The following CENPN variants were observed in gnomAD, a reference collection of about 807,000 sequenced individuals.
The protein encoded by CENPN is interphase centromere complex protein 32.
A neutral mutation model predicts 48.6 loss-of-function variants in CENPN; 36 were observed. The ratio of observed to expected loss-of-function variants is 0.74; its 90% CI spans 0.57 to 0.98. CENPN has a LOEUF of 0.98. CENPN is among the 50% of genes least tolerant of loss of function. The probability of loss-of-function intolerance (pLI) is 0.00; values close to 1 mark genes in which losing one functional copy is unlikely to be tolerated. For missense variants in CENPN, 439 were observed against 399.2 expected (o/e 1.10, Z -0.85); for synonymous variants, 166 against 135.2 (o/e 1.23, Z -1.58).
chr16:81,009,623 A>T (rs1237197828), intron 1 of CENPN, among the ~76,000 whole-genome samples: 1 of 152,170 alleles, frequency 6.6e-6, no homozygotes, highest in Non-Finnish European at 1.5e-5. Context: ...CTTCCTCTTT[A>T]TCTTTGTCTT....
intron 3 of CENPN, chr16:81,014,430 G>A (rs556202603): frequency 2.2e-6 from 1 of 444,854 alleles, no homozygotes; most frequent in East Asian, 3.9e-5. Flanking sequence ...ACAAGGTTTT[G>A]CCGTGTTGCC....
At chr16:81,017,236 T>A in intron 3 of CENPN, 90 bp from the exon 4 acceptor site, 2 of 841,132 alleles carry the variant, frequency 2.4e-6, no homozygotes, top group Middle Eastern at 2.5e-4. Context: ...ACTGTTACTT[T>A]CCCCAGTTTT....
downstream of CENPN, chr16:81,032,528 C>A (rs1051939915): frequency 6.5e-7 from 1 of 1,535,100 alleles, no homozygotes. Flanking sequence ...TCCTATTAAT[C>A]CGTCTTTTAT....
intron 10 of CENPN, 43 bp downstream of exon 10, chr16:81,028,340 A>G (rs1597111473): frequency 6.2e-7 from 1 of 1,605,672 alleles, no homozygotes; most frequent in Non-Finnish European, 8.5e-7. Flanking sequence ...AATTAACAAC[A>G]TGCCTCCATT....
At position 81,020,156 on chromosome 16, in the gene CENPN, G is replaced by A; in HGVS notation, c.411G>A (p.Trp137Ter). 1 of 1,613,642 alleles carries A rather than the reference G, an allele frequency of 6.2e-7. No homozygotes were observed. ...EENAVWIRIA[W>*]GTQYTKPNQY... The stretch of plus-strand genomic sequence containing the variant: ...ATGCAGTCTGGATTCGAATTGCCTG[G>A]GGAACACAGTACACAAAGCCAAACC... The change falls in exon 6 of 11, where the codon TGG (tryptophan) becomes TGA (stop). Residue 137 changes from tryptophan (W) to a stop codon, truncating the protein, a stop_gained. Transcript: ENST00000305850. LOFTEE classifies it high-confidence loss of function.
At chr16:81,032,190 T>C (rs572593013), downstream of CENPN, among the ~76,000 whole-genome samples, 80 of 152,320 alleles carry the variant, frequency 5.3e-4, no homozygotes, top group African/African-American at 1.9e-3. Flanking sequence ...TTGCCTTCTA[T>C]TCTGTCCTTC....
intron 5 of CENPN, 144 bp downstream of exon 5, chr16:81,017,978 C>G (rs1395185893): frequency 1.1e-5 from 6 of 571,384 alleles, no homozygotes; most frequent in Admixed American, 3.6e-5. Context: ...ATCAGAAACA[C>G]ACTGTAAATA....
chr16:81,010,851 C>T (rs1326603335), intron 1 of CENPN, among the ~76,000 whole-genome samples: 1 of 152,204 alleles, frequency 6.6e-6, no homozygotes, highest in Non-Finnish European at 1.5e-5. Context: ...TGAGTTCCCT[C>T]TTAAAAGTGT....
rs1300535382 is a variant in CENPN at position 81,015,053 on chromosome 16, C to T, written c.217+872C>T. ...ATATGAAGGTTAGGTGAATTATTTTCACCTCAAGGTGGATTTATCAGGCAT... is the reference window on the plus strand; with the variant it reads ...ATATGAAGGTTAGGTGAATTATTTTTACCTCAAGGTGGATTTATCAGGCAT... On this transcript the variant is annotated intron_variant, in intron 3 of 10. Transcript: ENST00000305850. Among the ~76,000 whole-genome samples the T allele has an allele frequency of 2.6e-5, 4 of 152,226 alleles. No homozygotes were observed. The East Asian group carries it at 7.7e-4, about 29-fold the overall frequency.
intron 7 of CENPN, chr16:81,022,908 C>A: frequency 6.3e-7 from 1 of 1,588,820 alleles, no homozygotes; most frequent in Non-Finnish European, 8.6e-7. Flanking sequence ...TTATACCACT[C>A]ATTAGTCACT....
At chr16:81,017,642 A>T (rs1969988033) in intron 4 of CENPN, 116 bp from the exon 5 acceptor site, 1 of 782,876 alleles carries the variant, frequency 1.3e-6, no homozygotes, top group Non-Finnish European at 2.1e-6. Flanking sequence ...GTGTGATTTG[A>T]TCATTATTAC....
chr16:81,030,088 A>T lies in CENPN; in HGVS notation c.*1437A>T. ...CTCATGAAACTTATTCACTACCATG[A>T]GAATAGTATGGGGGAAATCGTTCCC... On this transcript the variant is annotated 3_prime_UTR_variant, in exon 11 of 11. Transcript: ENST00000305850. 1 of 470,670 alleles carries T rather than the reference A, an allele frequency of 2.1e-6. No individual in the cohort carries two copies. The highest frequency in any genetic ancestry group is 2.8e-6 in the Non-Finnish European group (1 of 359,780). 29.2% of individuals were successfully genotyped at this position (470,670 alleles called of 1,614,324 possible).
downstream of CENPN, among the ~76,000 whole-genome samples, chr16:81,032,040 A>T (rs1296957362): frequency 6.6e-6 from 1 of 152,188 alleles, no homozygotes; most frequent in Non-Finnish European, 1.5e-5. Context: ...GCTTTTGAAA[A>T]TGGAAAGGCC....
chr16:81,022,564 C>A (rs1464573603), intron 6 of CENPN, 33 bp from the exon 7 acceptor site: 2 of 1,547,924 alleles, frequency 1.3e-6, no homozygotes, highest in Non-Finnish European at 1.8e-6. Context: ...AGGCAGTAAT[C>A]CTAGTAATAG....
intron 4 of CENPN, among the ~76,000 whole-genome samples, 159 bp downstream of exon 4, chr16:81,017,544 T>C (rs1383969390): frequency 1.3e-5 from 2 of 152,192 alleles, no homozygotes; most frequent in African/African-American, 4.8e-5. Flanking sequence ...TCCTCATTTC[T>C]TTCAAAATGA....
At position 81,030,282 on chromosome 16, in the gene CENPN, G is replaced by A; in HGVS notation, c.*1631G>A. The A allele has an allele frequency of 1.6e-5, 16 of 985,438 alleles. No homozygotes were observed. The highest frequency in any genetic ancestry group is 1.9e-5 in the Non-Finnish European group (16 of 829,936). The allele number at this position is 985,438 out of a possible 1,614,324, so 61.0% of individuals were successfully genotyped here. A position where few individuals can be genotyped will look rare whatever the true frequency, so the allele number is the denominator to read the frequency against. On this transcript the variant is annotated 3_prime_UTR_variant, in exon 11 of 11. Coordinates refer to ENST00000305850, the MANE Select transcript of CENPN (RefSeq NM_001100624.3). Reference sequence around the variant, plus strand: ...AAAATCTATTCTTTATCTTGTTTCAGAGAGGATTTGGAGTTACAGAAACAC... The same window carrying A: ...AAAATCTATTCTTTATCTTGTTTCAAAGAGGATTTGGAGTTACAGAAACAC...
At chr16:81,023,591 C>G (rs1325367216) in intron 7 of CENPN, 1 of 151,998 alleles carries the variant, frequency 6.6e-6, no homozygotes, top group Non-Finnish European at 1.5e-5. Flanking sequence ...TCTAGCCATC[C>G]CCTCCTACCT....
chr16:81,018,277 A>G (rs1970015506), intron 5 of CENPN, among the ~76,000 whole-genome samples: 1 of 151,690 alleles, frequency 6.6e-6, no homozygotes, highest in African/African-American at 2.4e-5. Flanking sequence ...GGGTTCAAGC[A>G]ATTCTTCTGC....
intron 6 of CENPN, among the ~76,000 whole-genome samples, chr16:81,021,270 G>A (rs1970181068): frequency 6.6e-6 from 1 of 152,102 alleles, no homozygotes; most frequent in African/African-American, 2.4e-5. Context: ...TCTGTTCCGA[G>A]CCTGCTTCTC....
Sources: gnomAD v4.1 joint callset for allele counts (sites outside exome capture counted in the v4.1 genomes callset) on GRCh38, gnomAD v4.1.1 for gene constraint, MANE v1.5 for transcripts, NCBI Gene and HGNC (gene_info 2026-07-23, HGNC 2026-07-21) for gene names.